The following URI1 variants were observed in gnomAD, a reference collection of about 807,000 sequenced individuals.
The protein encoded by URI1 is URI1 prefoldin like chaperone, also known as unconventional prefoldin RPB5 interactor 1.
Under a neutral mutation model 60.2 loss-of-function variants are expected in URI1, and 39 were observed. The observed-to-expected ratio is 0.65, with a 90% CI of 0.50 to 0.85. The LOEUF is 0.85. Among genes scored for constraint, URI1 ranks in the 40% least tolerant of loss-of-function variants. The pLI, the probability that URI1 is intolerant of heterozygous loss-of-function variation, is 0.00. For missense variants in URI1, 691 were observed against 665.9 expected, an observed-to-expected ratio of 1.04 and a Z score of -0.42; for synonymous variants, 251 against 236.8, an observed-to-expected ratio of 1.06 and a Z score of -0.55.
In URI1 at chr19:30,001,825, G is replaced by A. The variant is rs144933043; in HGVS notation, c.368-3536G>A. ...CTCTTCAAATGTATTTGTCTTTATG[G>A]GTTTATGCCTTTAAAAATTTCTTAG... On this transcript the variant is annotated intron_variant, in intron 4 of 10. Coordinates refer to ENST00000392271, the MANE Select transcript of URI1 (RefSeq NM_003796.3). Among the ~76,000 whole-genome samples the A allele has an allele frequency of 7.5e-4, 114 of 151,910 alleles. 2 individuals carry two copies. The East Asian group carries it at 0.019, about 25-fold the overall frequency.
chr19:29,957,181 T>C (rs1285727341), intron 1 of URI1, among the ~76,000 whole-genome samples: 1 of 152,134 alleles, frequency 6.6e-6, no homozygotes, highest in Non-Finnish European at 1.5e-5. Flanking sequence ...TCTGCAACTT[T>C]TCTTCTGTTT....
chr19:30,009,446 C>G, intron 8 of URI1, 93 bp downstream of exon 8: 1 of 1,193,714 alleles, frequency 8.4e-7, no homozygotes, highest in Non-Finnish European at 1.2e-6. Context: ...CAATCATTAT[C>G]ATTGTGGATA....
At chr19:29,940,564 G>A (rs1205649041), upstream of URI1, among the ~76,000 whole-genome samples, 10 of 151,996 alleles carry the variant, frequency 6.6e-5, no homozygotes, top group African/African-American at 1.9e-4. Flanking sequence ...CAGGAGAATC[G>A]CTTGAACCCA....
At chr19:30,012,889 T>C (rs2056041044) in intron 10 of URI1, 1 of 171,524 alleles carries the variant, frequency 5.8e-6, no homozygotes, top group Non-Finnish European at 1.2e-5. Context: ...ATTATTCTCT[T>C]TTAAATACCT....
At chr19:29,999,849 G>T (rs1353131206) in intron 4 of URI1, among the ~76,000 whole-genome samples, 1 of 151,868 alleles carries the variant, frequency 6.6e-6, no homozygotes, top group Admixed American at 6.6e-5. Context: ...AAAAAGAGCA[G>T]CATTCACTTA....
chr19:29,942,675 G>T lies in URI1; in HGVS notation c.117+11G>T. 1 of 1,380,568 alleles carries T rather than the reference G, an allele frequency of 7.2e-7. No individual in the cohort carries two copies. The highest frequency in any genetic ancestry group is 9.4e-7 in the Non-Finnish European group (1 of 1,068,872). The allele number at this position is 1,380,568 out of a possible 1,614,324, so 85.5% of individuals were successfully genotyped here. A position where few individuals can be genotyped will look rare whatever the true frequency, so the allele number is the denominator to read the frequency against. ...GAGGAGCAGGAAAAGGTAACTAGCA[G>T]CCCCGCGCCGCTTCCGCCTCCGCCC... On this transcript the variant is annotated intron_variant, in intron 1 of 10. Transcript: ENST00000392271.
rs185312453 is a variant in URI1 at position 30,014,755 on chromosome 19, G to A, written c.1426-132G>A. 5.8e-5 allele frequency: 43 copies of A among 742,922 alleles called. No individual in the cohort carries two copies. In the African/African-American group the frequency reaches 6.1e-4, roughly 11 times the overall value. The allele number at this position is 742,922 out of a possible 1,614,324, so 46.0% of individuals were successfully genotyped here. On this transcript the variant is annotated intron_variant, in intron 10 of 10. Transcript: ENST00000392271. Reference sequence around the variant, plus strand: ...TTCTCTGAACAATTAGTATTTTGGTGTAGTAGTGTTGTCTAGCCAAAAATC... The same window carrying A: ...TTCTCTGAACAATTAGTATTTTGGTATAGTAGTGTTGTCTAGCCAAAAATC...
At chr19:30,004,023 C>T (rs565982423) in intron 4 of URI1, among the ~76,000 whole-genome samples, 116 of 152,138 alleles carry the variant, frequency 7.6e-4, no homozygotes, top group Admixed American at 1.3e-3. Flanking sequence ...ATCTGTCAAA[C>T]AGCTCCTTGA....
intron 4 of URI1, among the ~76,000 whole-genome samples, chr19:30,002,928 A>C (rs545532789): frequency 6.6e-6 from 1 of 151,948 alleles, no homozygotes; most frequent in Non-Finnish European, 1.5e-5. Flanking sequence ...CAACTTAGCC[A>C]TGTTTGGAGC....
At chr19:30,002,983 A>G (rs1225488866) in intron 4 of URI1, among the ~76,000 whole-genome samples, 4 of 152,010 alleles carry the variant, frequency 2.6e-5, no homozygotes, top group South Asian at 2.1e-4. Context: ...TTTTAGTGAC[A>G]TGTATATTTC....
At chr19:29,932,128 T>C (rs1568401554) in intron 1 of URI1, among the ~76,000 whole-genome samples, 1 of 152,144 alleles carries the variant, frequency 6.6e-6, no homozygotes, top group Non-Finnish European at 1.5e-5. Context: ...CCTTGTCTTG[T>C]TCCCAATTTA....
At chr19:29,970,376 A>G (rs986337595) in intron 1 of URI1, among the ~76,000 whole-genome samples, 1 of 151,990 alleles carries the variant, frequency 6.6e-6, no homozygotes, top group Non-Finnish European at 1.5e-5. Flanking sequence ...AGGTAATTTA[A>G]AAGTAGATAA....
chr19:29,928,259 G>A (rs1252047957), intron 1 of URI1, among the ~76,000 whole-genome samples: 1 of 152,134 alleles, frequency 6.6e-6, no homozygotes, highest in Non-Finnish European at 1.5e-5. Flanking sequence ...CAGCAGCCTA[G>A]GCTGTTTCGA....
At chr19:29,964,470 T>A (rs532525938) in intron 1 of URI1, among the ~76,000 whole-genome samples, 1 of 149,498 alleles carries the variant, frequency 6.7e-6, no homozygotes, top group African/African-American at 2.5e-5. Flanking sequence ...TTTTGTTTTT[T>A]TTTTTTTTTT....
At chr19:29,945,565 A>G (rs554898145) in intron 1 of URI1, among the ~76,000 whole-genome samples, 6 of 152,348 alleles carry the variant, frequency 3.9e-5, no homozygotes, top group South Asian at 2.1e-4. Context: ...AACATTTCCA[A>G]AACAATTTAT....
chr19:29,977,551 A>AT (rs2055538768), intron 2 of URI1, among the ~76,000 whole-genome samples: 1 of 108,358 alleles, frequency 9.2e-6, no homozygotes, highest in Non-Finnish European at 1.9e-5. Flanking sequence ...TCTTTATGTT[A>AT]TTTTTTCTTT....
chr19:29,963,350 T>G (rs1568419575), intron 1 of URI1, among the ~76,000 whole-genome samples: 1 of 152,202 alleles, frequency 6.6e-6, no homozygotes, highest in South Asian at 2.1e-4. Context: ...ACCTGTCAAG[T>G]TCAAAAATCC....
rs554861682 is a variant in URI1, at chr19:30,006,698, A to C, written c.518-772A>C. 1.7e-4 allele frequency among the ~76,000 whole-genome samples: 26 copies of C among 152,300 alleles called. No homozygotes were observed. The East Asian group carries it at 4.0e-3, about 24-fold the overall frequency. On this transcript the variant is annotated intron_variant, in intron 6 of 10. Coordinates refer to ENST00000392271, the MANE Select transcript of URI1 (RefSeq NM_003796.3). Reference sequence around the variant, plus strand: ...TATGATGGACTCGAGGTCATCTGGTAGTGCCATATCTCATAACAGGACGCA... The same window carrying C: ...TATGATGGACTCGAGGTCATCTGGTCGTGCCATATCTCATAACAGGACGCA...
At chr19:29,956,356 G>A in intron 1 of URI1, 1 of 928,028 alleles carries the variant, frequency 1.1e-6, no homozygotes, top group Non-Finnish European at 1.6e-6. Flanking sequence ...AATATCACAA[G>A]TATGTCTTAG....
Sources: allele counts gnomAD v4.1 joint callset (sites outside exome capture counted in the v4.1 genomes callset), GRCh38; gene constraint gnomAD v4.1.1; transcripts MANE v1.5; gene names NCBI Gene and HGNC (gene_info 2026-07-23, HGNC 2026-07-21).